SIL1: variants seen among roughly 807,000 people sequenced by gnomAD.
The protein encoded by SIL1 is SIL1 nucleotide exchange factor.
Under a neutral mutation model 49.1 loss-of-function variants are expected in SIL1, and 40 were observed. The observed-to-expected ratio is 0.81, with a 90% confidence interval of 0.63 to 1.06. The LOEUF (loss-of-function observed/expected upper bound fraction) is 1.06, where lower values mean the gene tolerates loss of function less well. Among genes scored for constraint, SIL1 ranks in the 50% least tolerant of loss-of-function variants. The pLI, the probability that SIL1 is intolerant of heterozygous loss-of-function variation, is 0.00. For synonymous variants in SIL1, 253 were observed against 250.8 expected, an observed-to-expected ratio of 1.01 and a Z score of -0.08; for missense variants, 500 against 572.6, an observed-to-expected ratio of 0.87 and a Z score of 1.29.
chr5:138,999,612 C>T (rs2150410895), intron 7 of SIL1, among the ~76,000 whole-genome samples: 1 of 152,228 alleles, frequency 6.6e-6, no homozygotes, highest in South Asian at 2.1e-4. Context: ...TATGACTGCG[C>T]CATTATACTC....
At chr5:138,994,638 C>T (rs1264660738) in intron 7 of SIL1, among the ~76,000 whole-genome samples, 12 of 152,002 alleles carry the variant, frequency 7.9e-5, no homozygotes, top group African/African-American at 2.4e-4. Context: ...CAAAAATATC[C>T]AAGGCAATTT....
intron 7 of SIL1, among the ~76,000 whole-genome samples, chr5:139,019,830 CCA>C (rs1491351470): frequency 6.6e-6 from 1 of 152,044 alleles, no homozygotes; most frequent in Non-Finnish European, 1.5e-5. Context: ...GCAAAGATTT[CCA>C]AAAAGGGTCT....
intron 7 of SIL1, among the ~76,000 whole-genome samples, chr5:138,982,723 T>C (rs1767555375): frequency 6.6e-6 from 1 of 152,206 alleles, no homozygotes; most frequent in Non-Finnish European, 1.5e-5. Context: ...GGCATCTCCC[T>C]AGGACAGAAC....
intron 7 of SIL1, chr5:138,953,306 A>G (rs1257382961): frequency 6.6e-6 from 1 of 152,342 alleles, no homozygotes; most frequent in Non-Finnish European, 1.5e-5. Context: ...TCCTAAACCC[A>G]GAAAAGACAC....
intron 7 of SIL1, among the ~76,000 whole-genome samples, chr5:139,000,776 CA>C (rs1390796358): frequency 6.6e-6 from 1 of 151,796 alleles, no homozygotes; most frequent in Non-Finnish European, 1.5e-5. Context: ...GCAACATAAG[CA>C]ATGTGAAATG....
At chr5:139,113,486 G>A (rs1416948055) in intron 3 of SIL1, among the ~76,000 whole-genome samples, 1 of 150,236 alleles carries the variant, frequency 6.7e-6, no homozygotes, top group African/African-American at 2.5e-5. Flanking sequence ...CTCCAGACAA[G>A]CAGATATACT....
intron 3 of SIL1, among the ~76,000 whole-genome samples, chr5:139,063,895 C>T (rs931635108): frequency 1.3e-5 from 2 of 152,168 alleles, no homozygotes; most frequent in Non-Finnish European, 2.9e-5. Flanking sequence ...AATGAAAGTG[C>T]TAAAACCACT....
At position 138,996,355 on chromosome 5, in the gene SIL1, C is replaced by T. The variant is rs147182225; in HGVS notation, c.767+24816G>A. On this transcript the variant is annotated intron_variant, in intron 7 of 9. Coordinates refer to ENST00000394817, the MANE Select transcript of SIL1 (RefSeq NM_022464.5). The stretch of plus-strand genomic sequence containing the variant: ...TTGAAAAATGTCTGTTCAGATCTTT[C>T]GCCCATTTTTAATCAGATTTTTTTT... 7.8e-3 allele frequency among the ~76,000 whole-genome samples: 1,182 copies of T among 152,096 alleles called. 13 individuals carry two copies. The highest frequency in any genetic ancestry group is 0.022 in the African/African-American group (913 of 41,510).
At chr5:139,099,509 A>G (rs1409880686) in intron 3 of SIL1, among the ~76,000 whole-genome samples, 1 of 152,212 alleles carries the variant, frequency 6.6e-6, no homozygotes, top group Non-Finnish European at 1.5e-5. Flanking sequence ...ACAATAGCCA[A>G]CATTGGAAGC....
intron 1 of SIL1, among the ~76,000 whole-genome samples, chr5:139,170,222 T>G (rs1751722799): frequency 6.6e-6 from 1 of 152,080 alleles, no homozygotes; most frequent in African/African-American, 2.4e-5. Context: ...CGCTACAACC[T>G]CCACCTCCCA....
intron 7 of SIL1, among the ~76,000 whole-genome samples, chr5:138,968,904 C>T (rs1050706249): frequency 2.0e-5 from 3 of 152,142 alleles, no homozygotes; most frequent in Non-Finnish European, 4.4e-5. Flanking sequence ...GAATCAGACT[C>T]CGCGACTGCC....
chr5:139,028,169 C>T (rs1175602858), intron 5 of SIL1, among the ~76,000 whole-genome samples: 1 of 151,180 alleles, frequency 6.6e-6, no homozygotes, highest in Admixed American at 6.6e-5. Context: ...CTCACAAAAA[C>T]GATGTGTGCC....
rs779482609 is a variant in SIL1, at chr5:139,021,282, G to A, written c.656C>T (p.Ala219Val). ...LEYYVHQMDN[A>V]QDLLSFGGLQ... ...ACCACCAAAGGAAAGCAGGTCCTGC[G>A]CATTGTCCATCTGCAACAGAGCCAC... is the stretch of plus-strand genomic sequence containing the variant. The change falls in exon 7 of 10, where the codon GCG becomes GTG. Residue 219 changes from alanine (A) to valine (V), a missense_variant. Physicochemically the swap from Ala to Val is moderately conservative, Grantham distance 64 (BLOSUM62 0). Coordinates refer to ENST00000394817, the MANE Select transcript of SIL1 (RefSeq NM_022464.5). 1.2e-5 allele frequency: 19 copies of A among 1,614,124 alleles called. No individual in the cohort carries two copies. The highest frequency in any genetic ancestry group is 8.8e-5 in the South Asian group (8 of 91,070).
chr5:139,109,495 G>C (rs751115883), intron 3 of SIL1, among the ~76,000 whole-genome samples: 6 of 151,930 alleles, frequency 3.9e-5, no homozygotes, highest in Non-Finnish European at 8.8e-5. Context: ...CCATGTAGAC[G>C]TCAAATAAAA....
At chr5:139,113,702 G>C (rs1770927113) in intron 3 of SIL1, among the ~76,000 whole-genome samples, 1 of 152,218 alleles carries the variant, frequency 6.6e-6, no homozygotes, top group Non-Finnish European at 1.5e-5. Context: ...CCTAGCCCTG[G>C]TTAGTCTTAA....
chr5:139,118,438 C>T (rs1044022541), intron 3 of SIL1, among the ~76,000 whole-genome samples: 1 of 152,166 alleles, frequency 6.6e-6, no homozygotes, highest in African/African-American at 2.4e-5. Context: ...CATCTCACTC[C>T]ATACAACAGC....
chr5:139,089,707 A>T (rs1274324060), intron 3 of SIL1, among the ~76,000 whole-genome samples: 1 of 152,128 alleles, frequency 6.6e-6, no homozygotes, highest in African/African-American at 2.4e-5. Flanking sequence ...AGACACAAAA[A>T]CTCATGTATG....
Position 138,947,123 on chromosome 5 carries a change from C to G in SIL1, c.1380G>C (p.Leu460=), listed in dbSNP as rs878963813. The change falls in exon 10 of 10, where the codon CTG becomes CTC. Residue 460 remains leucine (L), a synonymous_variant. Transcript: ENST00000394817. The surrounding 1 kb of genome is among the most constrained non-coding windows in gnomAD (Gnocchi z 4.1). The part of the protein sequence containing the change: ...LGSVNSLLKE[L]R ...CCAGTCCTGGTGTGGGGCCTCATCT[C>G]AGCTCCTTCAGCAAGCTGTTGACAG... The G allele has an allele frequency of 6.2e-7, 1 of 1,612,532 alleles. No individual in the cohort carries two copies. Among genetic ancestry groups the G allele is most frequent in the African/African-American group, 1.3e-5 (1 of 74,886 alleles).
intron 1 of SIL1, among the ~76,000 whole-genome samples, chr5:139,183,936 C>A (rs1581158184): frequency 6.6e-6 from 1 of 152,174 alleles, no homozygotes; most frequent in Non-Finnish European, 1.5e-5. Context: ...AGATTTGTAA[C>A]CTGGAAACAA....
Sources: gnomAD v4.1 joint callset for allele counts (sites outside exome capture counted in the v4.1 genomes callset) on GRCh38, gnomAD v4.1.1 for gene constraint, Gnocchi (gnomAD v3.1) non-coding constraint, MANE v1.5 for transcripts, NCBI Gene and HGNC (gene_info 2026-07-23, HGNC 2026-07-21) for gene names.